DGKB: variants seen among roughly 807,000 people sequenced by gnomAD.
DGKB encodes the protein 90 kDa diacylglycerol kinase.
Under a neutral mutation model 114.3 loss-of-function variants are expected in DGKB, and 67 were observed. The ratio of observed to expected loss-of-function variants is 0.59; its 90% confidence interval spans 0.48 to 0.72. The LOEUF (loss-of-function observed/expected upper bound fraction) is 0.72. Ranked by LOEUF, DGKB falls within the 30% of genes least tolerant of loss-of-function variation. The pLI, the probability that DGKB is intolerant of heterozygous loss-of-function variation, is 0.00. For missense variants in DGKB, 907 were observed against 975.2 expected, an observed-to-expected ratio of 0.93 and a Z score of 0.93; for synonymous variants, 398 against 323.1, an observed-to-expected ratio of 1.23 and a Z score of -2.49.
intron 20 of DGKB, among the ~76,000 whole-genome samples, chr7:14,500,584 A>G (rs960615099): frequency 6.6e-6 from 1 of 151,738 alleles, no homozygotes; most frequent in Admixed American, 6.6e-5. Flanking sequence ...CCATGTTTTT[A>G]ATTTCACTAT....
intron 23 of DGKB, among the ~76,000 whole-genome samples, chr7:14,267,526 T>C (rs1230818550): frequency 2.6e-5 from 4 of 151,824 alleles, no homozygotes; most frequent in African/African-American, 9.7e-5. Context: ...TCTGGCTCTG[T>C]TGCCCAGGCT....
chr7:14,525,213 G>C (rs1790453487), intron 20 of DGKB, among the ~76,000 whole-genome samples: 1 of 152,120 alleles, frequency 6.6e-6, no homozygotes. Flanking sequence ...TCTACGATAA[G>C]TAAGTCACTG....
intron 4 of DGKB, among the ~76,000 whole-genome samples, chr7:14,739,483 T>G (rs1331111420): frequency 6.6e-6 from 1 of 152,196 alleles, no homozygotes; most frequent in Non-Finnish European, 1.5e-5. Context: ...CAGGACCCTC[T>G]CTTTGTTGAG....
chr7:14,506,032 T>C (rs1411597132), intron 20 of DGKB, among the ~76,000 whole-genome samples: 3 of 152,190 alleles, frequency 2.0e-5, no homozygotes, highest in African/African-American at 7.2e-5. Context: ...GTTAAATGTA[T>C]ACTCTCTAGC....
chr7:14,568,546 T>C (rs187498744), intron 20 of DGKB, among the ~76,000 whole-genome samples: 3 of 152,290 alleles, frequency 2.0e-5, no homozygotes, highest in African/African-American at 7.2e-5. Context: ...GAGAAGGTTA[T>C]CTGTCAAGAT....
chr7:14,894,447 GA>G (rs1562836315), intron 1 of DGKB, among the ~76,000 whole-genome samples: 30 of 151,388 alleles, frequency 2.0e-4, no homozygotes, highest in African/African-American at 6.5e-4. Context: ...CTTCTTAGTG[GA>G]GAAAAATTTT....
chr7:14,679,500 T>C (rs1585593355), intron 12 of DGKB, among the ~76,000 whole-genome samples: 1 of 151,990 alleles, frequency 6.6e-6, no homozygotes, highest in East Asian at 1.9e-4. Context: ...CCAAAAGTCA[T>C]ATATAAAAGG....
At chr7:14,291,035 G>T (rs575138561) in intron 23 of DGKB, among the ~76,000 whole-genome samples, 30 of 151,826 alleles carry the variant, frequency 2.0e-4, no homozygotes, top group African/African-American at 7.0e-4. Context: ...CCAGCTACTT[G>T]GGAGGCTGAG....
At chr7:14,541,077 G>A (rs571523167) in intron 20 of DGKB, among the ~76,000 whole-genome samples, 1 of 151,946 alleles carries the variant, frequency 6.6e-6, no homozygotes, top group East Asian at 1.9e-4. Context: ...GACACCTTGA[G>A]AAACACTGCA....
intron 17 of DGKB, among the ~76,000 whole-genome samples, chr7:14,586,238 G>T (rs978358031): frequency 1.3e-5 from 2 of 152,040 alleles, no homozygotes; most frequent in African/African-American, 2.4e-5. Context: ...CAACAAGAAG[G>T]CGAAACAGCC....
intron 2 of DGKB, among the ~76,000 whole-genome samples, chr7:14,790,578 T>C (rs1356854639): frequency 2.6e-5 from 4 of 152,194 alleles, no homozygotes; most frequent in Non-Finnish European, 5.9e-5. Context: ...ATCTTTCTAA[T>C]ATTGAGCTCT....
chr7:14,939,621 C>CTTTTTTTTTTT (rs60427374), intron 1 of DGKB, among the ~76,000 whole-genome samples: 1 of 84,146 alleles, frequency 1.2e-5, no homozygotes, highest in Non-Finnish European at 2.2e-5. Context: ...AAATATAATA[C>CTTTTTTTTTTT]TTTTTTTTTT....
At chr7:14,412,108 A>T (rs140448805) in intron 21 of DGKB, among the ~76,000 whole-genome samples, 1 of 152,214 alleles carries the variant, frequency 6.6e-6, no homozygotes, top group African/African-American at 2.4e-5. Context: ...ATGTATATGC[A>T]TGTGTGATTG....
At chr7:14,649,299 G>A (rs997380790) in intron 13 of DGKB, among the ~76,000 whole-genome samples, 12 of 151,690 alleles carry the variant, frequency 7.9e-5, no homozygotes, top group East Asian at 1.9e-4. Flanking sequence ...CGGATCTCTC[G>A]GCAGAAACCC....
chr7:14,309,362 T>C (rs998369634), intron 23 of DGKB, among the ~76,000 whole-genome samples: 1 of 152,194 alleles, frequency 6.6e-6, no homozygotes, highest in Non-Finnish European at 1.5e-5. Flanking sequence ...CCACACTGAT[T>C]AATCACTAAT....
intron 14 of DGKB, among the ~76,000 whole-genome samples, chr7:14,622,054 A>C (rs1375369684): frequency 6.6e-6 from 1 of 151,378 alleles, no homozygotes; most frequent in African/African-American, 2.4e-5. Flanking sequence ...CTCTCTTTTC[A>C]CTCTCTCTTA....
chr7:14,586,216 C>T (rs1041815136), intron 17 of DGKB, among the ~76,000 whole-genome samples: 9 of 152,110 alleles, frequency 5.9e-5, no homozygotes, highest in South Asian at 2.1e-4. Flanking sequence ...GTTACTCCAG[C>T]GAACACACAA....
At chr7:14,219,058 C>T (rs1481851626) in intron 23 of DGKB, among the ~76,000 whole-genome samples, 3 of 151,844 alleles carry the variant, frequency 2.0e-5, no homozygotes, top group Non-Finnish European at 2.9e-5. Flanking sequence ...TTTCACTTAG[C>T]ATGTTTTTAA....
intron 23 of DGKB, among the ~76,000 whole-genome samples, chr7:14,260,324 T>C (rs1236699149): frequency 2.0e-5 from 3 of 152,304 alleles, no homozygotes; most frequent in African/African-American, 7.2e-5. Flanking sequence ...AGCATTATGA[T>C]TATGGTATGA....
Sources: allele counts gnomAD v4.1 joint callset (sites outside exome capture counted in the v4.1 genomes callset), GRCh38; gene constraint gnomAD v4.1.1; transcripts MANE v1.5; gene names NCBI Gene and HGNC (gene_info 2026-07-23, HGNC 2026-07-21).